The following EPB41 variants were observed in gnomAD, a reference collection of about 807,000 sequenced individuals.
EPB41 encodes the protein protein 4.1.
In EPB41, 65 loss-of-function variants were observed where a neutral mutation model predicts 108.0. The ratio of observed to expected loss-of-function variants is 0.60; its 90% CI spans 0.49 to 0.74. EPB41 has a LOEUF of 0.74. Ranked by LOEUF, EPB41 falls within the 30% of genes least tolerant of loss-of-function variation. The probability of loss-of-function intolerance (pLI) is 0.00; values close to 1 mark genes in which losing one functional copy is unlikely to be tolerated. For synonymous variants in EPB41, 336 were observed against 358.9 expected (o/e 0.94, Z 0.72); for missense variants, 875 against 1,037.0 (o/e 0.84, Z 2.15).
At chr1:28,918,013 A>G (rs931077691) in intron 1 of EPB41, among the ~76,000 whole-genome samples, 5 of 152,168 alleles carry the variant, frequency 3.3e-5, no homozygotes, top group East Asian at 1.9e-4. Context: ...ATCTGATTTC[A>G]TAACTTTAGA....
intron 16 of EPB41, among the ~76,000 whole-genome samples, chr1:29,073,461 C>T (rs533760225): frequency 6.6e-6 from 1 of 152,250 alleles, no homozygotes; most frequent in East Asian, 1.9e-4. Flanking sequence ...AATTCTTGGT[C>T]TTTTGGGAGC....
chr1:29,033,072 C>T, intron 8 of EPB41, 21 bp from the exon 9 acceptor site: 1 of 1,612,954 alleles, frequency 6.2e-7, no homozygotes, highest in Non-Finnish European at 8.5e-7. Context: ...AGACTGAAAT[C>T]CTAACATTTT....
At chr1:28,918,105 T>C (rs368020079) in intron 1 of EPB41, among the ~76,000 whole-genome samples, 62 of 152,324 alleles carry the variant, frequency 4.1e-4, no homozygotes, top group African/African-American at 1.4e-3. Flanking sequence ...TTCCTTGTTA[T>C]CTAAGAGGCA....
chr1:28,992,116 C>T (rs531964364), intron 2 of EPB41, among the ~76,000 whole-genome samples: 3 of 152,122 alleles, frequency 2.0e-5, no homozygotes, highest in African/African-American at 4.8e-5. Flanking sequence ...GACAGTAGAG[C>T]GGGCATAGAT....
chr1:29,101,180 C>T (rs570927140), intron 17 of EPB41, among the ~76,000 whole-genome samples: 6 of 148,680 alleles, frequency 4.0e-5, no homozygotes, highest in African/African-American at 9.9e-5. Flanking sequence ...GCCAACATGG[C>T]GCCATTGCAC....
At chr1:29,102,818 G>C (rs181542245) in intron 17 of EPB41, among the ~76,000 whole-genome samples, 1 of 152,086 alleles carries the variant, frequency 6.6e-6, no homozygotes, top group Non-Finnish European at 1.5e-5. Flanking sequence ...TGTCGCCCAG[G>C]CTGGAATGCA....
chr1:29,046,844 A>G (rs1004498545), intron 11 of EPB41, among the ~76,000 whole-genome samples: 4 of 152,132 alleles, frequency 2.6e-5, no homozygotes, highest in Non-Finnish European at 5.9e-5. Flanking sequence ...TTCAATTTTT[A>G]AACGACCTAA....
intron 4 of EPB41, among the ~76,000 whole-genome samples, chr1:29,006,381 C>T (rs906061427): frequency 9.2e-5 from 14 of 151,788 alleles, no homozygotes; most frequent in Admixed American, 3.9e-4. Context: ...GTACTACAGG[C>T]GCCCGCCACC....
chr1:29,117,251 G>C lies in EPB41; in HGVS notation c.*439G>C, dbSNP rs933285612. 9 of 152,654 alleles carry C rather than the reference G, an allele frequency of 5.9e-5. No homozygotes were observed. The highest frequency in any genetic ancestry group is 1.9e-4 in the African/African-American group (8 of 41,444). 9.5% of individuals were successfully genotyped at this position (152,654 alleles called of 1,614,324 possible). ...AGTGGGACTTCCGCGTCTCTCCCTA[G>C]TCTTATCCCCTTTGGATGATGGCAG... On this transcript the variant is annotated 3_prime_UTR_variant, in exon 21 of 21. Transcript: ENST00000343067.
intron 1 of EPB41, among the ~76,000 whole-genome samples, chr1:28,981,487 C>T (rs951309639): frequency 6.6e-5 from 10 of 152,336 alleles, no homozygotes; most frequent in South Asian, 2.1e-4. Flanking sequence ...TCTGCCTGCT[C>T]TTATGGACCG....
intron 10 of EPB41, among the ~76,000 whole-genome samples, chr1:29,038,713 A>C (rs1172160835): frequency 6.6e-6 from 1 of 152,236 alleles, no homozygotes; most frequent in East Asian, 1.9e-4. Flanking sequence ...AGTATGGTAC[A>C]AAGAGTACAT....
chr1:29,010,432 G>C (rs550428996), intron 4 of EPB41, among the ~76,000 whole-genome samples: 6 of 152,074 alleles, frequency 3.9e-5, no homozygotes, highest in Non-Finnish European at 8.8e-5. Flanking sequence ...GGGCTCCTGA[G>C]GTGCTAGTAA....
chr1:28,989,097 A>G (rs188007714), intron 2 of EPB41, among the ~76,000 whole-genome samples: 1 of 152,326 alleles, frequency 6.6e-6, no homozygotes, highest in Admixed American at 6.5e-5. Context: ...AGCCCTTTGA[A>G]GGTATGTGAT....
chr1:28,922,691 G>A (rs865914382), intron 1 of EPB41, among the ~76,000 whole-genome samples: 5 of 149,714 alleles, frequency 3.3e-5, no homozygotes, highest in East Asian at 2.0e-4. Context: ...GCAGTGGCGC[G>A]ATCTCGGCTC....
chr1:29,051,856 C>T (rs1387859867), intron 11 of EPB41, among the ~76,000 whole-genome samples: 3 of 151,110 alleles, frequency 2.0e-5, no homozygotes, highest in African/African-American at 7.3e-5. Flanking sequence ...CGAGATCATG[C>T]CATTGCACTC....
intron 11 of EPB41, among the ~76,000 whole-genome samples, chr1:29,050,931 T>TC (rs1644376559): frequency 1.3e-5 from 2 of 152,056 alleles, no homozygotes; most frequent in Admixed American, 1.3e-4. Flanking sequence ...CACCTTGGCC[T>TC]CCCAAAGTGC....
chr1:29,083,867 G>A (rs937897322), intron 16 of EPB41, among the ~76,000 whole-genome samples: 2 of 152,086 alleles, frequency 1.3e-5, no homozygotes, highest in Non-Finnish European at 2.9e-5. Flanking sequence ...CAAAGCACTC[G>A]CAATTAACTG....
chr1:29,073,536 C>T (rs1056500348), intron 16 of EPB41, among the ~76,000 whole-genome samples: 1 of 152,172 alleles, frequency 6.6e-6, no homozygotes, highest in Non-Finnish European at 1.5e-5. Flanking sequence ...GAAAGTAAGT[C>T]GTTAAATAGC....
At chr1:29,059,180 C>CA (rs1336003100) in intron 14 of EPB41, among the ~76,000 whole-genome samples, 1 of 152,162 alleles carries the variant, frequency 6.6e-6, no homozygotes, top group Non-Finnish European at 1.5e-5. Context: ...GAGGCTGAGG[C>CA]ATGAGAATCA....
Sources: allele counts gnomAD v4.1 joint callset (sites outside exome capture counted in the v4.1 genomes callset), GRCh38; gene constraint gnomAD v4.1.1; transcripts MANE v1.5; gene names NCBI Gene and HGNC (gene_info 2026-07-23, HGNC 2026-07-21).